ASB4: variants seen among roughly 807,000 people sequenced by gnomAD.
ASB4 encodes ankyrin repeat and SOCS box protein 4.
A neutral mutation model predicts 38.6 loss-of-function variants in ASB4; 35 were observed. The observed-to-expected ratio is 0.91, with a 90% CI of 0.69 to 1.20. The LOEUF (loss-of-function observed/expected upper bound fraction) is 1.20. ASB4 is among the 50% of genes most tolerant of loss of function. The pLI, the probability that ASB4 is intolerant of heterozygous loss-of-function variation, is 0.00. For missense variants in ASB4, 557 were observed against 527.2 expected, an observed-to-expected ratio of 1.06 and a Z score of -0.55; for synonymous variants, 195 against 201.3, an observed-to-expected ratio of 0.97 and a Z score of 0.26.
intron 3 of ASB4, among the ~76,000 whole-genome samples, chr7:95,536,027 G>C (rs911341704): frequency 6.6e-6 from 1 of 152,302 alleles, no homozygotes; most frequent in Admixed American, 6.5e-5. Flanking sequence ...ATGTACAAAG[G>C]CAAAGTAATT....
At chr7:95,510,485 T>G (rs1334950319) in intron 2 of ASB4, among the ~76,000 whole-genome samples, 1 of 152,242 alleles carries the variant, frequency 6.6e-6, no homozygotes, top group Admixed American at 6.5e-5. Context: ...CAATGTAATA[T>G]AGCAAGGGTT....
At chr7:95,540,816 C>A (rs1790960861), downstream of ASB4, among the ~76,000 whole-genome samples, 3 of 152,162 alleles carry the variant, frequency 2.0e-5, no homozygotes, top group African/African-American at 7.2e-5. Flanking sequence ...TCCTTCCATT[C>A]TAAACCCAGT....
Position 95,536,548 on chromosome 7 carries a change from GAGGTAA to G in ASB4, c.1092_1092+5del, listed in dbSNP as rs762655345. The G allele has an allele frequency of 3.8e-6, 6 of 1,595,436 alleles. No homozygotes were observed. The South Asian group carries it at 6.6e-5, about 18-fold the overall frequency. On this transcript the variant is annotated splice_donor_variant and splice_donor_region_variant and coding_sequence_variant and intron_variant, in exon 4 of 5. Transcript: ENST00000325885. Reference sequence around the variant, plus strand: ...AAGAGCTATCCCCGATGATGACTTGGAGGTAAATAATCGATTCCCTTCTAATAGTTT... The same window carrying G: ...AAGAGCTATCCCCGATGATGACTTGGATAATCGATTCCCTTCTAATAGTTT...
At chr7:95,510,841 G>A (rs1790469458) in intron 2 of ASB4, among the ~76,000 whole-genome samples, 1 of 152,132 alleles carries the variant, frequency 6.6e-6, no homozygotes, top group African/African-American at 2.4e-5. Flanking sequence ...ATCTGAAACC[G>A]GAAATTGAAG....
At chr7:95,523,994 A>G (rs1290413814) in intron 2 of ASB4, among the ~76,000 whole-genome samples, 2 of 152,218 alleles carry the variant, frequency 1.3e-5, no homozygotes, top group Non-Finnish European at 2.9e-5. Flanking sequence ...GAAAATACCA[A>G]TGTTGATAAG....
chr7:95,523,893 C>T (rs1333567354), intron 2 of ASB4, among the ~76,000 whole-genome samples: 5 of 152,050 alleles, frequency 3.3e-5, no homozygotes, highest in Non-Finnish European at 7.4e-5. Flanking sequence ...AAAATATTAA[C>T]GTGTCTAACT....
chr7:95,499,771 G>A (rs892326593), intron 2 of ASB4, among the ~76,000 whole-genome samples: 1 of 150,950 alleles, frequency 6.6e-6, no homozygotes, highest in East Asian at 2.0e-4. Flanking sequence ...ATGATTCATA[G>A]AAAGAAAACA....
intron 2 of ASB4, among the ~76,000 whole-genome samples, chr7:95,504,556 A>T (rs543453779): frequency 6.6e-6 from 1 of 152,288 alleles, no homozygotes; most frequent in East Asian, 1.9e-4. Flanking sequence ...CACCCTGAGG[A>T]TTTTTGCCAC....
intron 3 of ASB4, among the ~76,000 whole-genome samples, chr7:95,529,213 G>A (rs1394761966): frequency 6.6e-6 from 1 of 152,192 alleles, no homozygotes; most frequent in Non-Finnish European, 1.5e-5. Context: ...TAGTTTTATA[G>A]CTAGTAATTA....
downstream of ASB4, chr7:95,542,521 C>G (rs1351523263): frequency 6.6e-6 from 1 of 152,234 alleles, no homozygotes; most frequent in Non-Finnish European, 1.5e-5. Flanking sequence ...ATCTCCACCT[C>G]CCAGGTTCAA....
chr7:95,512,208 A>G (rs1042513324), intron 2 of ASB4, among the ~76,000 whole-genome samples: 2 of 152,224 alleles, frequency 1.3e-5, no homozygotes, highest in Non-Finnish European at 2.9e-5. Flanking sequence ...GAACTCAAGG[A>G]CAGTGCTTAA....
At chr7:95,547,938 C>G in the ASB4 span, among the ~76,000 whole-genome samples, 1 of 152,210 alleles carries the variant, frequency 6.6e-6, no homozygotes, top group Non-Finnish European at 1.5e-5. Flanking sequence ...GAGCCAATCT[C>G]TTAACATATT....
chr7:95,547,612 A>G, the ASB4 span, among the ~76,000 whole-genome samples: 1 of 152,230 alleles, frequency 6.6e-6, no homozygotes, highest in East Asian at 1.9e-4. Flanking sequence ...TTGTGTGTTA[A>G]CTTGGCTAGG....
chr7:95,476,402 A>T (rs1264430013), upstream of ASB4, among the ~76,000 whole-genome samples: 1 of 152,220 alleles, frequency 6.6e-6, no homozygotes, highest in East Asian at 1.9e-4. Context: ...ATATTTAAAA[A>T]AAAATTTATA....
intron 2 of ASB4, among the ~76,000 whole-genome samples, chr7:95,513,249 G>GTTTTTTTTTTTT (rs1379114558): frequency 2.6e-5 from 1 of 38,524 alleles, no homozygotes; most frequent in African/African-American, 1.2e-4. Context: ...TTTGTTTTTT[G>GTTTTTTTTTTTT]TTTGTTTTTT....
At chr7:95,482,983 G>T (rs2116569010), upstream of ASB4, among the ~76,000 whole-genome samples, 1 of 152,262 alleles carries the variant, frequency 6.6e-6, no homozygotes, top group South Asian at 2.1e-4. Flanking sequence ...CTTAGCTTAG[G>T]TTCATGTCTA....
At chr7:95,545,523 C>T in the ASB4 span, among the ~76,000 whole-genome samples, 2 of 152,166 alleles carry the variant, frequency 1.3e-5, no homozygotes, top group African/African-American at 2.4e-5. Context: ...TTCTTTCTTT[C>T]TTCCTCCCTG....
intron 3 of ASB4, among the ~76,000 whole-genome samples, chr7:95,536,163 G>A (rs1790886886): frequency 6.6e-6 from 1 of 152,162 alleles, no homozygotes; most frequent in South Asian, 2.1e-4. Flanking sequence ...ACTCAAAGGC[G>A]TGAGACTTCT....
the ASB4 span, among the ~76,000 whole-genome samples, chr7:95,551,063 C>G: frequency 6.6e-6 from 1 of 152,152 alleles, no homozygotes; most frequent in Non-Finnish European, 1.5e-5. Flanking sequence ...TCACTGCAAC[C>G]TCCAACTACC....
Sources: gnomAD v4.1 joint callset for allele counts (sites outside exome capture counted in the v4.1 genomes callset) on GRCh38, gnomAD v4.1.1 for gene constraint, MANE v1.5 for transcripts, NCBI Gene and HGNC (gene_info 2026-07-23, HGNC 2026-07-21) for gene names.